Variants in EGFLAM observed in about 807,000 individuals in gnomAD.
EGFLAM encodes the protein pikachurin.
In EGFLAM, 79 loss-of-function variants were observed where a neutral mutation model predicts 113.1. That is an observed-to-expected ratio of 0.70 (90% CI 0.58 to 0.84). EGFLAM has a LOEUF of 0.84. Among genes scored for constraint, EGFLAM ranks in the 40% least tolerant of loss-of-function variants. The pLI, the probability that EGFLAM is intolerant of heterozygous loss-of-function variation, is 0.00. For synonymous variants in EGFLAM, 504 were observed against 487.6 expected (o/e 1.03, Z -0.44); for missense variants, 1,265 against 1,291.6 (o/e 0.98, Z 0.32).
intron 3 of EGFLAM, among the ~76,000 whole-genome samples, chr5:38,348,423 C>T (rs955966076): frequency 2.0e-5 from 3 of 152,062 alleles, no homozygotes; most frequent in African/African-American, 4.8e-5. Context: ...AAAGGAGGAA[C>T]ACGAGAAGTA....
intron 16 of EGFLAM, among the ~76,000 whole-genome samples, chr5:38,436,215 G>C (rs1327724431): frequency 2.6e-5 from 4 of 152,154 alleles, no homozygotes; most frequent in Non-Finnish European, 5.9e-5. Context: ...CCCCAGCCCA[G>C]GTGGGCAGAA....
intron 17 of EGFLAM, among the ~76,000 whole-genome samples, chr5:38,444,924 A>G (rs982818006): frequency 9.9e-5 from 15 of 152,186 alleles, no homozygotes; most frequent in African/African-American, 2.4e-5. Context: ...CAGCCTGGGC[A>G]ACAGAGCAAG....
chr5:38,302,043 C>G (rs1349695259), intron 1 of EGFLAM, among the ~76,000 whole-genome samples: 3 of 151,930 alleles, frequency 2.0e-5, no homozygotes, highest in Non-Finnish European at 4.4e-5. Flanking sequence ...AGTTTGAGAC[C>G]AGCCTGGCCA....
intron 21 of EGFLAM, 110 bp downstream of exon 21, chr5:38,463,121 C>A: frequency 9.8e-7 from 1 of 1,023,520 alleles, no homozygotes; most frequent in Non-Finnish European, 1.4e-6. Flanking sequence ...ACCTGTAAAT[C>A]AGGAAGCCCT....
At chr5:38,312,193 TCAC>T (rs1331293408) in intron 1 of EGFLAM, among the ~76,000 whole-genome samples, 1 of 152,160 alleles carries the variant, frequency 6.6e-6, no homozygotes, top group Non-Finnish European at 1.5e-5. Context: ...CATCACATGC[TCAC>T]CAGCTGTGTG....
chr5:38,386,365 G>C (rs1740662572), intron 6 of EGFLAM, among the ~76,000 whole-genome samples: 1 of 151,800 alleles, frequency 6.6e-6, no homozygotes, highest in African/African-American at 2.4e-5. Flanking sequence ...GGCTAATTTT[G>C]TATTTTTAGT....
intron 14 of EGFLAM, among the ~76,000 whole-genome samples, chr5:38,428,926 T>A (rs1370251858): frequency 2.0e-5 from 3 of 152,236 alleles, no homozygotes; most frequent in African/African-American, 7.2e-5. Context: ...CAAACCACCA[T>A]CTGCCCCCTT....
At chr5:38,417,924 A>T in intron 11 of EGFLAM, 142 bp from the exon 12 acceptor site, 1 of 812,454 alleles carries the variant, frequency 1.2e-6, no homozygotes, top group Non-Finnish European at 1.8e-6. Context: ...CAGTAAGGCA[A>T]GGTCTTAAAG....
At position 38,439,051 on chromosome 5, in the gene EGFLAM, G is replaced by A. The variant is rs149968340; in HGVS notation, c.2464+596G>A. On this transcript the variant is annotated intron_variant, in intron 17 of 21. Transcript: ENST00000322350. The stretch of plus-strand genomic sequence containing the variant: ...GTATTATTGTGTGTCTAACACAGAG[G>A]GTTATAGTATTGACTAAATGAGACA... 1.6e-4 allele frequency among the ~76,000 whole-genome samples: 25 copies of A among 152,234 alleles called. No individual in the cohort carries two copies. The East Asian group carries it at 3.7e-3, about 22-fold the overall frequency.
intron 21 of EGFLAM, 105 bp downstream of exon 21, chr5:38,463,116 T>A: frequency 1.8e-6 from 2 of 1,086,378 alleles, no homozygotes; most frequent in Non-Finnish European, 2.6e-6. Flanking sequence ...CAAATACCTG[T>A]AAATCAGGAA....
chr5:38,299,183 C>T (rs13355521), intron 1 of EGFLAM, among the ~76,000 whole-genome samples: 2 of 152,078 alleles, frequency 1.3e-5, no homozygotes, highest in South Asian at 2.1e-4. Context: ...TGCTGCCCCT[C>T]GGCTATGGCT....
At chr5:38,455,759 G>A (rs565828556) in intron 19 of EGFLAM, among the ~76,000 whole-genome samples, 15 of 152,242 alleles carry the variant, frequency 9.9e-5, no homozygotes, top group South Asian at 2.1e-4. Context: ...CCAGGTTCAC[G>A]GTTGACTCCC....
chr5:38,390,334 T>A (rs1318227976), intron 6 of EGFLAM, among the ~76,000 whole-genome samples: 1 of 152,238 alleles, frequency 6.6e-6, no homozygotes, highest in Non-Finnish European at 1.5e-5. Flanking sequence ...TTATGCACGT[T>A]GAATTATAAC....
chr5:38,394,398 T>G (rs1242620300), intron 6 of EGFLAM, among the ~76,000 whole-genome samples: 1 of 149,858 alleles, frequency 6.7e-6, no homozygotes, highest in Non-Finnish European at 1.5e-5. Context: ...TGTTCTATCT[T>G]GTTTAGTAAC....
intron 1 of EGFLAM, among the ~76,000 whole-genome samples, chr5:38,319,168 C>T (rs1738677983): frequency 6.6e-6 from 1 of 152,132 alleles, no homozygotes; most frequent in African/African-American, 2.4e-5. Flanking sequence ...CCCCAACTCC[C>T]AGGGTTCTCT....
chr5:38,363,956 G>A (rs12653319), intron 5 of EGFLAM, among the ~76,000 whole-genome samples: 24,109 of 152,130 alleles, frequency 0.16, 1,995 homozygotes, highest in Middle Eastern at 0.2. Context: ...AAATGGGTGA[G>A]GTTAAACAGT....
In EGFLAM at chr5:38,433,854, A is replaced by C. The variant is rs2731976; in HGVS notation, c.2167-1283A>C. Among the ~76,000 whole-genome samples, 436 of 152,314 alleles carry C rather than the reference A, an allele frequency of 2.9e-3. 2 individuals carry two copies. Among genetic ancestry groups the C allele is most frequent in the African/African-American group, 0.01 (424 of 41,564 alleles). On this transcript the variant is annotated intron_variant, in intron 15 of 21. Transcript: ENST00000322350. ...TTTGTTAACCTCCTAGTTAAGGAAGAACCCTCAAAGCTGCCGGAAGGCTAT... is the reference window on the plus strand; with the variant it reads ...TTTGTTAACCTCCTAGTTAAGGAAGCACCCTCAAAGCTGCCGGAAGGCTAT...
intron 1 of EGFLAM, among the ~76,000 whole-genome samples, chr5:38,278,993 A>G (rs1579718266): frequency 6.6e-6 from 1 of 152,184 alleles, no homozygotes; most frequent in African/African-American, 2.4e-5. Context: ...TCCAAAATAT[A>G]TAAGGAACTA....
intron 13 of EGFLAM, among the ~76,000 whole-genome samples, chr5:38,426,247 G>A (rs994079138): frequency 6.6e-6 from 1 of 151,476 alleles, no homozygotes; most frequent in African/African-American, 2.4e-5. Flanking sequence ...ATATATACAT[G>A]CACACACATG....
Sources: allele counts gnomAD v4.1 joint callset (sites outside exome capture counted in the v4.1 genomes callset), GRCh38; gene constraint gnomAD v4.1.1; transcripts MANE v1.5; gene names NCBI Gene and HGNC (gene_info 2026-07-23, HGNC 2026-07-21).